The following PLEC variants were observed in gnomAD, a reference collection of about 807,000 sequenced individuals.
PLEC encodes hemidesmosomal protein 1.
PLEC carries 216 observed loss-of-function variants against 392.8 expected under a neutral mutation model. That is an observed-to-expected ratio of 0.55 (90% confidence interval 0.49 to 0.62). The LOEUF (loss-of-function observed/expected upper bound fraction) is 0.62. Among genes scored for constraint, PLEC ranks in the 20% least tolerant of loss-of-function variants. The pLI, the probability that PLEC is intolerant of heterozygous loss-of-function variation, is 0.00. For synonymous variants in PLEC, 3,621 were observed against 2,980.6 expected (o/e 1.21, Z -7.00); for missense variants, 6,863 against 6,563.4 (o/e 1.05, Z -1.58).
At chr8:143,950,350 C>G in exon 1 of PLEC, 1 of 1,583,788 alleles carries the variant, frequency 6.3e-7, no homozygotes, top group Non-Finnish European at 8.6e-7. Context: ...GGGGACCCTG[C>G]ACAGCCTGCA....
rs782802729 is a variant in PLEC, at chr8:143,920,794, G to A, written c.9027C>T (p.Asp3009=). 84 of 1,607,472 alleles carry A rather than the reference G, an allele frequency of 5.2e-5. 1 individual carries two copies. In the African/African-American group the frequency reaches 6.5e-4, roughly 13 times the overall value. Residue 3009 remains aspartate (D), a synonymous_variant, in exon 32 of 32, where the codon GAC becomes GAT. Transcript: ENST00000345136. ...GCCGCACAGTGTCCACCTCGGCTACGTCTCGCACAGAGCGCTCACCTCGCT... is the reference window on the plus strand; with the variant it reads ...GCCGCACAGTGTCCACCTCGGCTACATCTCGCACAGAGCGCTCACCTCGCT... ...QLQRGERSVR[D]VAEVDTVRRA...
chr8:143,928,987 A>T, intron 25 of PLEC, 116 bp downstream of exon 25: 1 of 949,850 alleles, frequency 1.1e-6, no homozygotes, highest in Non-Finnish European at 1.6e-6. Context: ...CCTCCTGGCC[A>T]GATCTCTGAA....
At chr8:143,939,039 C>A (rs1446889424) in intron 1 of PLEC, among the ~76,000 whole-genome samples, 1 of 152,134 alleles carries the variant, frequency 6.6e-6, no homozygotes, top group Non-Finnish European at 1.5e-5. Context: ...AGGGGTGTGG[C>A]AGAGCCAGGG....
In PLEC at chr8:143,927,999, G is replaced by A. The variant is rs782017704; in HGVS notation, c.3261-7C>T. On this transcript the variant is annotated splice_region_variant and splice_polypyrimidine_tract_variant and intron_variant, in intron 25 of 31. Transcript: ENST00000345136. Reference sequence around the variant, plus strand: ...CAGGCTGATGGTCTTGAGCCTGGCGGGAAAGCGGGGCTCAGGGCCATGACA... The same window carrying A: ...CAGGCTGATGGTCTTGAGCCTGGCGAGAAAGCGGGGCTCAGGGCCATGACA... 1 of 1,589,596 alleles carries A rather than the reference G, an allele frequency of 6.3e-7. No homozygotes were observed. The highest frequency in any genetic ancestry group is 8.6e-7 in the Non-Finnish European group (1 of 1,163,536).
In PLEC at chr8:143,924,086, A is replaced by AG; in HGVS notation, c.5842dup (p.Leu1948ProfsTer38). Reference sequence around the variant, plus strand: ...CTCCGCGTTGCTGCGGATGCGTCCCAGCTCCAGCTCCAGCTCCGCCTTGCC... The same window carrying AG: ...CTCCGCGTTGCTGCGGATGCGTCCCAGGCTCCAGCTCCAGCTCCGCCTTGCC... On this transcript the variant is annotated frameshift_variant, in exon 31 of 32. Transcript: ENST00000345136. LOFTEE classifies it high-confidence loss of function. 1 of 1,597,718 alleles carries AG rather than the reference A, an allele frequency of 6.3e-7. No homozygotes were observed. Among genetic ancestry groups the AG allele is most frequent in the Non-Finnish European group, 8.5e-7 (1 of 1,179,120 alleles).
rs199948550 is a variant in PLEC, at chr8:143,917,615, C to T, written c.12206G>A (p.Arg4069His). 22 of 1,613,772 alleles carry T rather than the reference C, an allele frequency of 1.4e-5. No homozygotes were observed. The highest frequency in any genetic ancestry group is 1.7e-5 in the Admixed American group (1 of 60,038). ...HRLPVEVAYK[R>H]GLFDEEMNEI... ...GTTCATCTCCTCATCGAAGAGGCCG[C>T]GCTTGTAGGCCACCTCCACGGGCAG... The change falls in exon 32 of 32, where the codon CGC becomes CAC. Residue 4069 changes from arginine (R) to histidine (H), a missense_variant. Physicochemically the swap from Arg to His is conservative, Grantham distance 29 (BLOSUM62 0). Coordinates refer to ENST00000345136, the MANE Select transcript of PLEC (RefSeq NM_201384.3).
chr8:143,960,848 C>G (rs1256693932), intron 1 of PLEC, among the ~76,000 whole-genome samples: 1 of 152,226 alleles, frequency 6.6e-6, no homozygotes, highest in Non-Finnish European at 1.5e-5. Context: ...GAAAATCAAG[C>G]AAATACCATG....
intron 1 of PLEC, among the ~76,000 whole-genome samples, chr8:143,961,234 T>TTC (rs1554740756): frequency 6.6e-6 from 1 of 152,010 alleles, no homozygotes; most frequent in Non-Finnish European, 1.5e-5. Flanking sequence ...AAATTCCTTT[T>TTC]TTTTTTTTTG....
At chr8:143,942,261 G>C (rs1554729206), upstream of PLEC, 3 of 1,089,208 alleles carry the variant, frequency 2.8e-6, no homozygotes, top group African/African-American at 1.6e-5. Flanking sequence ...GGAGCTCGGG[G>C]GCAAGGCTGC....
chr8:143,932,267 C>A (rs782269448), intron 16 of PLEC, 33 bp from the exon 17 acceptor site: 4 of 1,608,972 alleles, frequency 2.5e-6, no homozygotes, highest in South Asian at 1.1e-5. Flanking sequence ...CAGGGACGGC[C>A]GGCCACACCC....
chr8:143,931,830 G>T, intron 18 of PLEC, 107 bp downstream of exon 18: 11 of 1,412,070 alleles, frequency 7.8e-6, no homozygotes, highest in Non-Finnish European at 1.1e-5. Context: ...GCAGCAGCTG[G>T]CAACGTCTGC....
In PLEC at chr8:143,923,355, G is replaced by T. The variant is rs530046608; in HGVS notation, c.6574C>A (p.Arg2192=). The T allele has an allele frequency of 3.1e-6, 5 of 1,609,952 alleles. No individual in the cohort carries two copies. Among genetic ancestry groups the T allele is most frequent in the South Asian group, 1.1e-5 (1 of 90,812 alleles). ...AQVEQELTTL[R]LQLEETDHQK... ...TGGTCGGTCTCCTCCAGCTGCAGCC[G>T]CAGTGTTGTCAGCTCCTGCTCCACC... The change falls in exon 31 of 32, where the codon CGG becomes AGG. Residue 2192 remains arginine, a synonymous_variant. Coordinates refer to ENST00000345136, the MANE Select transcript of PLEC (RefSeq NM_201384.3).
rs797044721 is a variant in PLEC at position 143,920,852 on chromosome 8, C to T, written c.8969G>A (p.Arg2990Lys). Residue 2990 changes from arginine (R) to lysine (K), a missense_variant, in exon 32 of 32, where the codon AGG becomes AAG. Coordinates refer to ENST00000345136, the MANE Select transcript of PLEC (RefSeq NM_201384.3). ...LVPAAELLES[R>K]VIDRELYQQL... ...CTGGTAGAGCTCGCGGTCGATGACC[C>T]TGCTCTCCAGCAGCTCGGCGGCTGG... 1.2e-6 allele frequency: 2 copies of T among 1,609,752 alleles called. No homozygotes were observed. Among genetic ancestry groups the T allele is most frequent in the African/African-American group, 1.3e-5 (1 of 74,934 alleles).
intron 2 of PLEC, 95 bp downstream of exon 2, chr8:143,938,536 C>T (rs561656376): frequency 1.0e-5 from 16 of 1,541,834 alleles, no homozygotes; most frequent in Non-Finnish European, 1.4e-5. Flanking sequence ...AGCACACAGG[C>T]AGCATGGGGA....
In PLEC at chr8:143,920,373, G is replaced by A. The variant is rs1554681547; in HGVS notation, c.9448C>T (p.His3150Tyr). 5.7e-6 allele frequency: 9 copies of A among 1,592,914 alleles called. No individual in the cohort carries two copies. The highest frequency in any genetic ancestry group is 7.7e-6 in the Non-Finnish European group (9 of 1,173,290). The change falls in exon 32 of 32, where the codon CAC becomes TAC. Residue 3150 changes from histidine (H) to tyrosine (Y), a missense_variant. By Grantham distance (83) the His-to-Tyr change is moderately conservative. Transcript: ENST00000345136. ...TGGIVDPSKSHRVPLDVACAR... is the reference protein window; with the variant it reads ...TGGIVDPSKSYRVPLDVACAR... Reference sequence around the variant, plus strand: ...CAGGCGACATCCAGGGGCACGCGGTGGCTCTTGCTGGGGTCCACGATGCCG... The same window carrying A: ...CAGGCGACATCCAGGGGCACGCGGTAGCTCTTGCTGGGGTCCACGATGCCG...
In PLEC at chr8:143,973,435, T is replaced by C. The variant is rs1554744957; in HGVS notation, c.38A>G (p.Gln13Arg). ...CTTCTCGCGCACCTCCTCGTAGGCCTGGATGAAGTCCTGCTCGTCGGGCAG... is the reference window on the plus strand; with the variant it reads ...CTTCTCGCGCACCTCCTCGTAGGCCCGGATGAAGTCCTGCTCGTCGGGCAG... Residue 13 changes from glutamine to arginine, a missense_variant, in exon 1 of 32, where the codon CAG (glutamine) becomes CGG (arginine). Transcript: ENST00000356346. The surrounding 1 kb of genome is among the most constrained non-coding windows in gnomAD (Gnocchi z 5.6). The C allele has an allele frequency of 6.5e-7, 1 of 1,541,440 alleles. No homozygotes were observed. The highest frequency in any genetic ancestry group is 1.4e-5 in the African/African-American group (1 of 70,910).
Position 143,929,551 on chromosome 8 carries a change from A to G in PLEC, c.2944T>C (p.Cys982Arg), listed in dbSNP as rs1554711258. The change falls in exon 24 of 32, where the codon TGC becomes CGC. Residue 982 changes from cysteine (C) to arginine (R), a missense_variant. Coordinates refer to ENST00000345136, the MANE Select transcript of PLEC (RefSeq NM_201384.3). The part of the protein sequence containing the change: ...LEQGAQEESR[C>R]QRCISELKDI... ...TTGAGCTCGGAGATGCAGCGCTGGC[A>G]GCGAGACTCTTCCTGTGCACCTGGG... 1 of 1,612,504 alleles carries G rather than the reference A, an allele frequency of 6.2e-7. No individual in the cohort carries two copies. The highest frequency in any genetic ancestry group is 1.3e-5 in the African/African-American group (1 of 74,930).
chr8:143,927,284 T>C lies in PLEC; in HGVS notation c.3808A>G (p.Arg1270Gly). Residue 1270 changes from arginine (R) to glycine (G), a missense_variant, in exon 28 of 32, where the codon AGG becomes GGG. Transcript: ENST00000345136. ...RHGEKVEECQ[R>G]FAKQYINAIK... ...GCGTTGATGTACTGTTTCGCAAACC[T>C]CTGGCACTCCTCGACCTTCTCGCCG... is the stretch of plus-strand genomic sequence containing the variant. 1 of 1,613,322 alleles carries C rather than the reference T, an allele frequency of 6.2e-7. No individual in the cohort carries two copies. Among genetic ancestry groups the C allele is most frequent in the Non-Finnish European group, 8.5e-7 (1 of 1,179,952 alleles).
At position 143,919,831 on chromosome 8, in the gene PLEC, C is replaced by T. The variant is rs1024346107; in HGVS notation, c.9990G>A (p.Gln3330=). ...TGACCGTCGTCTTGCCGTCCTTGAGCTGCTCAAACTGGGCTCTGCTGAGGA... is the reference window on the plus strand; with the variant it reads ...TGACCGTCGTCTTGCCGTCCTTGAGTTGCTCAAACTGGGCTCTGCTGAGGA... ...SGVLSRAQFE[Q]LKDGKTTVKD... is the part of the protein sequence containing the mutation. The change falls in exon 32 of 32, where the codon CAG becomes CAA. Residue 3330 remains glutamine (Q), a synonymous_variant. Transcript: ENST00000345136. 1 of 1,613,150 alleles carries T rather than the reference C, an allele frequency of 6.2e-7. No individual in the cohort carries two copies. The highest frequency in any genetic ancestry group is 1.1e-5 in the South Asian group (1 of 91,086).
Sources: allele counts gnomAD v4.1 joint callset (sites outside exome capture counted in the v4.1 genomes callset), GRCh38; gene constraint gnomAD v4.1.1; non-coding constraint Gnocchi (gnomAD v3.1); transcripts MANE v1.5; gene names NCBI Gene and HGNC (gene_info 2026-07-23, HGNC 2026-07-21).